Variants in PCDHGA7 observed in about 807,000 individuals in gnomAD.
PCDHGA7 encodes protocadherin gamma-A7.
In PCDHGA7, 44 loss-of-function variants were observed where a neutral mutation model predicts 58.3. The observed-to-expected ratio is 0.75, with a 90% confidence interval of 0.59 to 0.97. PCDHGA7 has a LOEUF of 0.97. Among genes scored for constraint, PCDHGA7 ranks in the 50% least tolerant of loss-of-function variants. PCDHGA7 has a pLI of 0.00. For synonymous variants in PCDHGA7, 516 were observed against 504.2 expected (o/e 1.02, Z -0.31); for missense variants, 1,266 against 1,188.7 (o/e 1.06, Z -0.96).
chr5:141,394,202 G>A (rs1285720796), intron 1 of PCDHGA7: 2 of 1,613,832 alleles, frequency 1.2e-6, no homozygotes, highest in Non-Finnish European at 1.7e-6. Context: ...ATATCCTAGA[G>A]AACAACCTGA....
intron 1 of PCDHGA7, chr5:141,403,657 A>G (rs753978186): frequency 2.5e-6 from 4 of 1,613,924 alleles, no homozygotes; most frequent in East Asian, 2.2e-5. Context: ...TGTTGGATAC[A>G]AATGATAATG....
Position 141,507,906 on chromosome 5 carries a change from G to A in PCDHGA7, c.2572+2425G>A, listed in dbSNP as rs2099864753. ...AGAGAGGTTCCTGAAGTCCAGCCCA[G>A]CCAGGCCTGTGGGGCTGCTGAGAGG... On this transcript the variant is annotated intron_variant, in intron 3 of 3. Coordinates refer to ENST00000518325, the MANE Select transcript of PCDHGA7 (RefSeq NM_018920.4). Among the ~76,000 whole-genome samples, 4 of 152,216 alleles carry A rather than the reference G, an allele frequency of 2.6e-5. No homozygotes were observed. The South Asian group carries it at 8.3e-4, about 32-fold the overall frequency.
Position 141,383,979 on chromosome 5 carries a change from A to C in PCDHGA7, c.1080A>C (p.Thr360=), listed in dbSNP as rs1388219452. 6.2e-7 allele frequency: 1 copy of C among 1,613,678 alleles called. No individual in the cohort carries two copies. Among genetic ancestry groups the C allele is most frequent in the Non-Finnish European group, 8.5e-7 (1 of 1,179,724 alleles). ...TSLSSSIPED[T]PLGTVIALFY... is the part of the protein sequence containing the mutation. ...TAAGTAGCTCAATCCCTGAAGACAC[A>C]CCTCTTGGGACAGTCATTGCTCTTT... Residue 360 remains threonine, a synonymous_variant, in exon 1 of 4, where the codon ACA becomes ACC. Coordinates refer to ENST00000518325, the MANE Select transcript of PCDHGA7 (RefSeq NM_018920.4).
intron 1 of PCDHGA7, among the ~76,000 whole-genome samples, chr5:141,455,844 T>TA (rs2098833146): frequency 6.6e-6 from 1 of 150,818 alleles, no homozygotes; most frequent in Non-Finnish European, 1.5e-5. Flanking sequence ...TCTATCTGCA[T>TA]AAAATAATTT....
At chr5:141,401,677 G>C (rs1017959276) in intron 1 of PCDHGA7, among the ~76,000 whole-genome samples, 2 of 152,184 alleles carry the variant, frequency 1.3e-5, no homozygotes, top group Non-Finnish European at 2.9e-5. Flanking sequence ...CATCCTTGTA[G>C]GATGGAAGGT....
chr5:141,389,942 G>C lies in PCDHGA7; in HGVS notation c.2424+4619G>C, dbSNP rs775707080. On this transcript the variant is annotated intron_variant, in intron 1 of 3. Coordinates refer to ENST00000518325, the MANE Select transcript of PCDHGA7 (RefSeq NM_018920.4). ...ACCCCTCTGACCTCCAGGCTGAGCT[G>C]CAGTTTTACCTAGTGGTGGCCTTGG... is the stretch of plus-strand genomic sequence containing the variant. The C allele has an allele frequency of 2.5e-6, 4 of 1,613,952 alleles. No individual in the cohort carries two copies. The African/African-American group carries it at 5.3e-5, about 22-fold the overall frequency.
At chr5:141,444,752 T>C (rs1376810825) in intron 1 of PCDHGA7, among the ~76,000 whole-genome samples, 2 of 152,228 alleles carry the variant, frequency 1.3e-5, no homozygotes, top group Non-Finnish European at 2.9e-5. Context: ...CTGATATATG[T>C]AGTTCTATTT....
At chr5:141,392,851 T>C in intron 1 of PCDHGA7, 1 of 1,611,148 alleles carries the variant, frequency 6.2e-7, no homozygotes, top group Non-Finnish European at 8.5e-7. Context: ...CGCGGCGAGC[T>C]GATCCTGCTG....
In PCDHGA7 at chr5:141,485,944, G is replaced by A; in HGVS notation, c.2425-8863G>A. 1.2e-6 allele frequency: 2 copies of A among 1,614,116 alleles called. No homozygotes were observed. The highest frequency in any genetic ancestry group is 1.7e-6 in the Non-Finnish European group (2 of 1,180,020). ...TTAGTGTGTTGGAGAGCGCACCAGC[G>A]GGCATGGTGCTCATCCAGCTCAATG... On this transcript the variant is annotated intron_variant, in intron 1 of 3. Coordinates refer to ENST00000518325, the MANE Select transcript of PCDHGA7 (RefSeq NM_018920.4). This position sits in a 1 kb window ranked among gnomAD's most constrained non-coding sequence, Gnocchi z 5.7.
At position 141,489,969 on chromosome 5, in the gene PCDHGA7, A is replaced by C. The variant is rs746202385; in HGVS notation, c.2425-4838A>C. On this transcript the variant is annotated intron_variant, in intron 1 of 3. Coordinates refer to ENST00000518325, the MANE Select transcript of PCDHGA7 (RefSeq NM_018920.4). This position sits in a 1 kb window ranked among gnomAD's most constrained non-coding sequence, Gnocchi z 4.5. The stretch of plus-strand genomic sequence containing the variant: ...TCAATGATAATGCTCCAACCTTCCA[A>C]TCCTCAGTTCTACGTGTGGGAATCC... 4 of 1,614,008 alleles carry C rather than the reference A, an allele frequency of 2.5e-6. No individual in the cohort carries two copies.
chr5:141,399,109 A>G (rs1346301996), intron 1 of PCDHGA7: 4 of 1,613,714 alleles, frequency 2.5e-6, no homozygotes, highest in Admixed American at 3.3e-5. Context: ...TGCACAATGT[A>G]CAGTTGAAAT....
intron 1 of PCDHGA7, among the ~76,000 whole-genome samples, chr5:141,430,143 A>C (rs1451633366): frequency 2.0e-5 from 3 of 152,180 alleles, no homozygotes; most frequent in Non-Finnish European, 4.4e-5. Flanking sequence ...TCCATTCAGG[A>C]TCATTCAAGG....
At chr5:141,503,675 T>C (rs1233495836) in intron 2 of PCDHGA7, among the ~76,000 whole-genome samples, 1 of 152,104 alleles carries the variant, frequency 6.6e-6, no homozygotes. Flanking sequence ...CTTCCCACTT[T>C]TGGGAAGGAG....
intron 1 of PCDHGA7, among the ~76,000 whole-genome samples, chr5:141,458,982 C>G (rs2098958289): frequency 6.6e-6 from 1 of 152,164 alleles, no homozygotes; most frequent in Admixed American, 6.5e-5. Flanking sequence ...GTCCTCCTGC[C>G]TCACCCTCCC....
At chr5:141,466,077 A>G (rs1220036084) in intron 1 of PCDHGA7, among the ~76,000 whole-genome samples, 2 of 152,108 alleles carry the variant, frequency 1.3e-5, no homozygotes, top group Non-Finnish European at 2.9e-5. Context: ...AGCTGATATC[A>G]TGCCACTGCA....
In PCDHGA7 at chr5:141,485,429, A is replaced by T. The variant is rs1388904857; in HGVS notation, c.2425-9378A>T. On this transcript the variant is annotated intron_variant, in intron 1 of 3. Transcript: ENST00000518325. This position sits in a 1 kb window ranked among gnomAD's most constrained non-coding sequence, Gnocchi z 5.7. Reference sequence around the variant, plus strand: ...GGATTTGGACAGCGGAGCCCTGCTCATCAAGAACCCAATCGACCGAGAGGC... The same window carrying T: ...GGATTTGGACAGCGGAGCCCTGCTCTTCAAGAACCCAATCGACCGAGAGGC... The T allele has an allele frequency of 6.2e-7, 1 of 1,614,090 alleles. No homozygotes were observed. Among genetic ancestry groups the T allele is most frequent in the Non-Finnish European group, 8.5e-7 (1 of 1,180,052 alleles).
At chr5:141,429,489 A>G (rs2097218567) in intron 1 of PCDHGA7, among the ~76,000 whole-genome samples, 1 of 152,062 alleles carries the variant, frequency 6.6e-6, no homozygotes, top group South Asian at 2.1e-4. Context: ...AGCTGAGACT[A>G]CAGTTGCCTG....
chr5:141,469,376 A>T (rs572466149), intron 1 of PCDHGA7, among the ~76,000 whole-genome samples: 1 of 152,232 alleles, frequency 6.6e-6, no homozygotes, highest in East Asian at 1.9e-4. Flanking sequence ...AGAGATCGAG[A>T]CCATCCTGGC....
At chr5:141,404,215 G>T (rs1372288822) in intron 1 of PCDHGA7, 15 of 1,613,346 alleles carry the variant, frequency 9.3e-6, no homozygotes, top group Non-Finnish European at 1.3e-5. Context: ...ATAATATCAC[G>T]GTGACTGCAA....
Sources: allele counts gnomAD v4.1 joint callset (sites outside exome capture counted in the v4.1 genomes callset), GRCh38; gene constraint gnomAD v4.1.1; non-coding constraint Gnocchi (gnomAD v3.1); transcripts MANE v1.5; gene names NCBI Gene and HGNC (gene_info 2026-07-23, HGNC 2026-07-21).